The following AP3S2 variants were observed in gnomAD, a reference collection of about 807,000 sequenced individuals.
AP3S2 encodes adaptor related protein complex 3 subunit sigma 2.
In AP3S2, 22 loss-of-function variants were observed where a neutral mutation model predicts 23.4. The ratio of observed to expected loss-of-function variants is 0.94; its 90% confidence interval spans 0.67 to 1.34. The LOEUF (loss-of-function observed/expected upper bound fraction) is 1.34. AP3S2 is among the 40% of genes most tolerant of loss of function. The pLI, the probability that AP3S2 is intolerant of heterozygous loss-of-function variation, is 0.00. For synonymous variants in AP3S2, 86 were observed against 87.1 expected (o/e 0.99, Z 0.07); for missense variants, 241 against 236.9 (o/e 1.02, Z -0.11).
Position 89,833,413 on chromosome 15 carries a change from G to C in AP3S2, c.*2102C>G, listed in dbSNP as rs777212864. The C allele has an allele frequency of 6.6e-6, 1 of 152,228 alleles. No individual in the cohort carries two copies. The highest frequency in any genetic ancestry group is 1.5e-5 in the Non-Finnish European group (1 of 68,044). 9.4% of individuals were successfully genotyped at this position (152,228 alleles called of 1,614,324 possible). A position where few individuals can be genotyped will look rare whatever the true frequency, so the allele number is the denominator to read the frequency against. On this transcript the variant is annotated 3_prime_UTR_variant, in exon 6 of 6. Transcript: ENST00000336418. Reference sequence around the variant, plus strand: ...GGAAAGAAAAGGACAGTGGAGTCAAGTGAACAGTCTCAGATCTCAGCCCCG... The same window carrying C: ...GGAAAGAAAAGGACAGTGGAGTCAACTGAACAGTCTCAGATCTCAGCCCCG...
Position 89,834,278 on chromosome 15 carries a change from T to C in AP3S2, c.*1237A>G, listed in dbSNP as rs1895140333. On this transcript the variant is annotated 3_prime_UTR_variant, in exon 6 of 6. Transcript: ENST00000336418. ...GTGGGTTCCCTATGGAGGCAGCTCATCATTCACAACACAGCAACAAACCTT... is the reference window on the plus strand; with the variant it reads ...GTGGGTTCCCTATGGAGGCAGCTCACCATTCACAACACAGCAACAAACCTT... The C allele has an allele frequency of 6.6e-6, 1 of 152,306 alleles. No homozygotes were observed. Among genetic ancestry groups the C allele is most frequent in the Admixed American group, 6.5e-5 (1 of 15,294 alleles). The allele number at this position is 152,306 out of a possible 1,614,324, so 9.4% of individuals were successfully genotyped here. A position where few individuals can be genotyped will look rare whatever the true frequency, so the allele number is the denominator to read the frequency against.
intron 3 of AP3S2, among the ~76,000 whole-genome samples, chr15:89,886,166 T>C (rs1408228357): frequency 1.3e-5 from 2 of 151,936 alleles, no homozygotes; most frequent in Non-Finnish European, 2.9e-5. Flanking sequence ...TTGGCCAACA[T>C]GGTGAAACCC....
chr15:89,870,747 T>A (rs74329885), intron 4 of AP3S2, among the ~76,000 whole-genome samples: 2,068 of 152,302 alleles, frequency 0.014, 64 homozygotes, highest in African/African-American at 0.047. Context: ...GGGATCATAA[T>A]GACAACAATC....
chr15:89,877,809 T>TA (rs1287134578), intron 3 of AP3S2, among the ~76,000 whole-genome samples: 4 of 151,846 alleles, frequency 2.6e-5, no homozygotes, highest in South Asian at 2.1e-4. Flanking sequence ...TAAAAAAAAT[T>TA]AAAAAAAAGA....
At chr15:89,855,945 T>TAAAAAAAAAA (rs34784306) in intron 4 of AP3S2, among the ~76,000 whole-genome samples, 3 of 111,942 alleles carry the variant, frequency 2.7e-5, no homozygotes, top group African/African-American at 3.4e-5. Context: ...ATATGTCCTT[T>TAAAAAAAAAA]AAAAAAAAAA....
At chr15:89,838,586 T>C (rs1042685924) in intron 4 of AP3S2, among the ~76,000 whole-genome samples, 1 of 152,132 alleles carries the variant, frequency 6.6e-6, no homozygotes, top group African/African-American at 2.4e-5. Flanking sequence ...TAAGGAATGG[T>C]ACTCCATATT....
Position 89,874,204 on chromosome 15 carries a change from T to C in AP3S2, c.274-2658A>G, listed in dbSNP as rs78081827. ...AGTTGCTTTTTATTGTTTGTTCATT[T>C]TATCTCCTTCTTCTATGTTAGAGGT... On this transcript the variant is annotated intron_variant, in intron 3 of 5. Transcript: ENST00000336418. Among the ~76,000 whole-genome samples the C allele has an allele frequency of 8.6e-4, 131 of 152,264 alleles. 1 individual carries two copies. Among genetic ancestry groups the C allele is most frequent in the Middle Eastern group, 6.8e-3 (2 of 294 alleles).
chr15:89,844,689 T>C (rs1196221665), intron 4 of AP3S2, among the ~76,000 whole-genome samples: 3 of 151,930 alleles, frequency 2.0e-5, no homozygotes, highest in Non-Finnish European at 4.4e-5. Flanking sequence ...TTTGCCATTA[T>C]TGCAAAAAAC....
At chr15:89,854,506 T>C (rs1279542485) in intron 4 of AP3S2, among the ~76,000 whole-genome samples, 11 of 56,734 alleles carry the variant, frequency 1.9e-4, no homozygotes, top group Admixed American at 3.2e-4. Context: ...AGCCGCCCCG[T>C]CCGGGAGGGA....
At chr15:89,846,665 T>C (rs1895499925) in intron 4 of AP3S2, among the ~76,000 whole-genome samples, 2 of 152,198 alleles carry the variant, frequency 1.3e-5, no homozygotes, top group Non-Finnish European at 2.9e-5. Flanking sequence ...TAGCTGGGAC[T>C]ACAGGCGTGT....
intron 4 of AP3S2, among the ~76,000 whole-genome samples, chr15:89,842,217 C>T (rs1410217929): frequency 6.6e-6 from 1 of 151,406 alleles, no homozygotes; most frequent in Non-Finnish European, 1.5e-5. Context: ...AAAATGAAAC[C>T]AAAAAGGGCT....
intron 3 of AP3S2, chr15:89,886,593 C>G (rs1047447046): frequency 1.3e-5 from 2 of 152,298 alleles, no homozygotes; most frequent in South Asian, 2.1e-4. Flanking sequence ...GGCAAGCACT[C>G]CATCCCAATT....
In AP3S2 at chr15:89,839,297, A is replaced by T. The variant is rs114959198; in HGVS notation, c.346-1575T>A. ...ATTTTGCCCTCAGTAAGTGCAGGGA[A>T]CTTCTGATCTTGAGGACAGAGTATA... On this transcript the variant is annotated intron_variant, in intron 4 of 5. Coordinates refer to ENST00000336418, the MANE Select transcript of AP3S2 (RefSeq NM_005829.5). Among the ~76,000 whole-genome samples the T allele has an allele frequency of 8.5e-3, 1,300 of 152,212 alleles. 28 individuals are homozygous for T. The highest frequency in any genetic ancestry group is 0.03 in the African/African-American group (1,228 of 41,520).
intron 3 of AP3S2, among the ~76,000 whole-genome samples, chr15:89,882,954 C>G (rs750487848): frequency 2.9e-4 from 44 of 152,174 alleles, no homozygotes; most frequent in Non-Finnish European, 5.7e-4. Flanking sequence ...TGCTCACCAC[C>G]TTTGGGACTA....
intron 4 of AP3S2, among the ~76,000 whole-genome samples, chr15:89,864,974 A>G (rs1896085137): frequency 6.6e-6 from 1 of 152,190 alleles, no homozygotes; most frequent in Non-Finnish European, 1.5e-5. Flanking sequence ...TTCATAAGAA[A>G]TGCAATTGGA....
At chr15:89,873,288 T>TC (rs980211468) in intron 3 of AP3S2, among the ~76,000 whole-genome samples, 4 of 143,496 alleles carry the variant, frequency 2.8e-5, no homozygotes, top group Admixed American at 1.4e-4. Flanking sequence ...TCTGTCTTCT[T>TC]TTTTTTTTTT....
At chr15:89,839,086 G>C (rs1182460439) in intron 4 of AP3S2, among the ~76,000 whole-genome samples, 3 of 152,162 alleles carry the variant, frequency 2.0e-5, no homozygotes, top group Non-Finnish European at 4.4e-5. Context: ...AATCAAAAAT[G>C]TCTCCAGAAT....
chr15:89,893,609 C>T (rs907920331), intron 1 of AP3S2: 17 of 502,592 alleles, frequency 3.4e-5, no homozygotes, highest in Non-Finnish European at 5.6e-5. Flanking sequence ...GCTTCTATCT[C>T]GTTCCCAGAG....
chr15:89,871,191 A>G (rs566689272), intron 4 of AP3S2, among the ~76,000 whole-genome samples: 1 of 152,348 alleles, frequency 6.6e-6, no homozygotes, highest in South Asian at 2.1e-4. Flanking sequence ...TTGGCCAAGT[A>G]GCCAGTGACA....
Sources: gnomAD v4.1 joint callset for allele counts (sites outside exome capture counted in the v4.1 genomes callset) on GRCh38, gnomAD v4.1.1 for gene constraint, MANE v1.5 for transcripts, NCBI Gene and HGNC (gene_info 2026-07-23, HGNC 2026-07-21) for gene names.